CTNNA2: variants seen among roughly 807,000 people sequenced by gnomAD.
CTNNA2 encodes the protein catenin alpha 2.
In CTNNA2, 42 loss-of-function variants were observed where a neutral mutation model predicts 101.0. That is an observed-to-expected ratio of 0.42 (90% CI 0.32 to 0.54). The LOEUF (loss-of-function observed/expected upper bound fraction) is 0.54, where lower values mean the gene tolerates loss of function less well. CTNNA2 is among the 20% of genes least tolerant of loss of function. The pLI, the probability that CTNNA2 is intolerant of heterozygous loss-of-function variation, is 0.14. For missense variants in CTNNA2, 871 were observed against 1,223.1 expected, an observed-to-expected ratio of 0.71 and a Z score of 4.29; for synonymous variants, 450 against 456.4, an observed-to-expected ratio of 0.99 and a Z score of 0.18.
intron 7 of CTNNA2, among the ~76,000 whole-genome samples, chr2:80,354,291 G>C (rs979576193): frequency 6.6e-6 from 1 of 152,184 alleles, no homozygotes; most frequent in Non-Finnish European, 1.5e-5. Flanking sequence ...GAGGGAGTTG[G>C]TGGGTGAAGA....
intron 7 of CTNNA2, among the ~76,000 whole-genome samples, chr2:80,226,950 C>T (rs1287756752): frequency 6.6e-6 from 1 of 152,114 alleles, no homozygotes; most frequent in East Asian, 1.9e-4. Flanking sequence ...TAGGTTCCTC[C>T]TGCTTATAGA....
At chr2:79,757,136 CTT>C (rs1672454658) in intron 3 of CTNNA2, among the ~76,000 whole-genome samples, 1 of 152,084 alleles carries the variant, frequency 6.6e-6, no homozygotes, top group African/African-American at 2.4e-5. Context: ...CTAAAATAAA[CTT>C]AGAATAATTT....
chr2:79,368,431 C>G (rs1432728819), intron 3 of CTNNA2, among the ~76,000 whole-genome samples: 1 of 152,214 alleles, frequency 6.6e-6, no homozygotes, highest in Non-Finnish European at 1.5e-5. Context: ...CACAGTGTCA[C>G]CACATCCTGT....
At chr2:80,613,223 C>T (rs1698604570) in intron 17 of CTNNA2, among the ~76,000 whole-genome samples, 1 of 151,374 alleles carries the variant, frequency 6.6e-6, no homozygotes, top group Non-Finnish European at 1.5e-5. Flanking sequence ...ATTCTGATTC[C>T]TGCATTAAGT....
At chr2:79,384,763 A>G (rs1025903773) in intron 4 of CTNNA2, among the ~76,000 whole-genome samples, 1 of 152,104 alleles carries the variant, frequency 6.6e-6, no homozygotes. Context: ...TCCTTGTCAA[A>G]ATTCTACCCG....
chr2:79,428,015 C>T (rs1327662763), intron 4 of CTNNA2, among the ~76,000 whole-genome samples: 1 of 152,096 alleles, frequency 6.6e-6, no homozygotes, highest in Admixed American at 6.6e-5. Flanking sequence ...TTTTCTAATG[C>T]CCTGCCTTTC....
intron 1 of CTNNA2, among the ~76,000 whole-genome samples, chr2:79,563,531 GCCA>G (rs1362147834): frequency 1.3e-5 from 2 of 152,076 alleles, no homozygotes; most frequent in Non-Finnish European, 2.9e-5. Flanking sequence ...CTAATGGGCT[GCCA>G]TCTCCAGTCC....
chr2:80,469,298 T>C (rs1328297279), intron 9 of CTNNA2, among the ~76,000 whole-genome samples: 1 of 152,216 alleles, frequency 6.6e-6, no homozygotes, highest in Admixed American at 6.5e-5. Flanking sequence ...AGCCAGAACC[T>C]CCAAGTAATT....
intron 7 of CTNNA2, among the ~76,000 whole-genome samples, chr2:79,957,404 A>C (rs965689125): frequency 6.6e-6 from 1 of 152,104 alleles, no homozygotes; most frequent in Non-Finnish European, 1.5e-5. Context: ...CAGGAGATGG[A>C]GGAGGGCGCA....
At chr2:80,446,011 T>C (rs1443842952) in intron 9 of CTNNA2, among the ~76,000 whole-genome samples, 2 of 152,186 alleles carry the variant, frequency 1.3e-5, no homozygotes, top group African/African-American at 4.8e-5. Context: ...ATTGGCATTA[T>C]GTATGACTGG....
intron 7 of CTNNA2, among the ~76,000 whole-genome samples, chr2:80,103,452 C>T (rs900203770): frequency 1.3e-5 from 2 of 152,192 alleles, no homozygotes; most frequent in Non-Finnish European, 2.9e-5. Context: ...AGCCCTGTCC[C>T]TAAATGCAGG....
At chr2:80,166,908 G>C (rs1379910016) in intron 7 of CTNNA2, among the ~76,000 whole-genome samples, 1 of 151,740 alleles carries the variant, frequency 6.6e-6, no homozygotes, top group East Asian at 1.9e-4. Flanking sequence ...TTTTAGGTTG[G>C]GTCTTTTTTT....
At chr2:80,294,951 G>A (rs1675611390) in intron 7 of CTNNA2, among the ~76,000 whole-genome samples, 1 of 152,228 alleles carries the variant, frequency 6.6e-6, no homozygotes, top group African/African-American at 2.4e-5. Context: ...AGGAGTCAGT[G>A]TAATCACAGC....
At chr2:80,528,390 G>T (rs1244571349) in intron 9 of CTNNA2, among the ~76,000 whole-genome samples, 1 of 152,042 alleles carries the variant, frequency 6.6e-6, no homozygotes, top group African/African-American at 2.4e-5. Flanking sequence ...TAGGGATGGG[G>T]TTTCACCGTG....
At chr2:80,299,104 A>T (rs1167127395) in intron 7 of CTNNA2, 3 of 152,224 alleles carry the variant, frequency 2.0e-5, no homozygotes, top group Non-Finnish European at 4.4e-5. Flanking sequence ...CACAATGCCC[A>T]GGACGAGACG....
At chr2:80,644,439 G>C (rs990972833) in intron 18 of CTNNA2, among the ~76,000 whole-genome samples, 2 of 152,092 alleles carry the variant, frequency 1.3e-5, no homozygotes, top group African/African-American at 4.8e-5. Flanking sequence ...CCTAAACTTG[G>C]TATTTAAAAA....
At chr2:79,380,337 A>T (rs530089202) in intron 4 of CTNNA2, among the ~76,000 whole-genome samples, 1 of 151,938 alleles carries the variant, frequency 6.6e-6, no homozygotes, top group East Asian at 1.9e-4. Context: ...TATAACCCTG[A>T]AGGCAGCAGC....
chr2:80,425,031 T>C (rs1490425258), intron 9 of CTNNA2, among the ~76,000 whole-genome samples: 1 of 152,194 alleles, frequency 6.6e-6, no homozygotes, highest in Admixed American at 6.5e-5. Context: ...GCAGCGACCT[T>C]CTTTCTGACT....
chr2:80,252,808 G>C (rs1026231559), intron 7 of CTNNA2, among the ~76,000 whole-genome samples: 36 of 152,158 alleles, frequency 2.4e-4, no homozygotes, highest in African/African-American at 8.4e-4. Flanking sequence ...TGTAGGCGGC[G>C]ACTTGTTTGC....
Sources: allele counts gnomAD v4.1 joint callset (sites outside exome capture counted in the v4.1 genomes callset), GRCh38; gene constraint gnomAD v4.1.1; transcripts MANE v1.5; gene names NCBI Gene and HGNC (gene_info 2026-07-23, HGNC 2026-07-21).